DISC1: variants seen among roughly 807,000 people sequenced by gnomAD.
DISC1 encodes disrupted in schizophrenia 1 protein.
Under a neutral mutation model 84.5 loss-of-function variants are expected in DISC1, and 57 were observed. That is an observed-to-expected ratio of 0.67 (90% confidence interval 0.55 to 0.84). The LOEUF (loss-of-function observed/expected upper bound fraction) is 0.84, where lower values mean the gene tolerates loss of function less well. Ranked by LOEUF, DISC1 falls within the 40% of genes least tolerant of loss-of-function variation. The pLI is 0.00. For missense variants in DISC1, 1,000 were observed against 1,057.8 expected (o/e 0.95, Z 0.76); for synonymous variants, 411 against 415.2 (o/e 0.99, Z 0.12).
intron 1 of DISC1, chr1:231,629,471 A>G (rs748286017): frequency 2.0e-5 from 3 of 152,972 alleles, no homozygotes; most frequent in African/African-American, 4.8e-5. Flanking sequence ...TGCAGAAACA[A>G]TTCCTAGTTT....
At chr1:231,723,365 C>G in intron 3 of DISC1, 2 of 985,836 alleles carry the variant, frequency 2.0e-6, no homozygotes, top group Non-Finnish European at 2.4e-6. Context: ...CCTGTAAACT[C>G]AGGTCTGTGG....
chr1:231,691,435 A>T (rs1354746965), intron 1 of DISC1, among the ~76,000 whole-genome samples: 1 of 152,006 alleles, frequency 6.6e-6, no homozygotes, highest in East Asian at 1.9e-4. Flanking sequence ...GTCTCAAAAA[A>T]AAAACAGAAA....
chr1:231,870,188 T>C (rs1365904440), intron 9 of DISC1, among the ~76,000 whole-genome samples: 2 of 152,260 alleles, frequency 1.3e-5, no homozygotes, highest in East Asian at 1.9e-4. Flanking sequence ...GCTCCTGATA[T>C]GGGAACATCA....
intron 10 of DISC1, among the ~76,000 whole-genome samples, chr1:231,977,933 T>C (rs1345584864): frequency 2.0e-5 from 3 of 152,240 alleles, no homozygotes; most frequent in South Asian, 2.1e-4. Context: ...TTTATTCAAA[T>C]TGAGAAATGT....
At chr1:231,886,803 CTT>C (rs1199309712) in intron 9 of DISC1, among the ~76,000 whole-genome samples, 10 of 138,916 alleles carry the variant, frequency 7.2e-5, no homozygotes, top group Admixed American at 1.5e-4. Flanking sequence ...TTCTTTCTTT[CTT>C]TCTTTCTTTC....
rs567284127 is a variant in DISC1, at chr1:231,691,972, A to G, written c.68-1854A>G. On this transcript the variant is annotated intron_variant, in intron 1 of 12. Transcript: ENST00000439617. Reference sequence around the variant, plus strand: ...CATGGCCTCTGTCTTGAAGAAAGAAAGAAAAAAATGAAATGTTTCTTCTGC... The same window carrying G: ...CATGGCCTCTGTCTTGAAGAAAGAAGGAAAAAAATGAAATGTTTCTTCTGC... Among the ~76,000 whole-genome samples, 24 of 152,370 alleles carry G rather than the reference A, an allele frequency of 1.6e-4. No individual in the cohort carries two copies. In the East Asian group the frequency reaches 4.2e-3, roughly 27 times the overall value.
chr1:231,758,423 C>G (rs2125375521), intron 4 of DISC1, among the ~76,000 whole-genome samples: 1 of 152,006 alleles, frequency 6.6e-6, no homozygotes, highest in East Asian at 1.9e-4. Context: ...TTTGGATAGG[C>G]AAACCATGGG....
At chr1:231,748,779 T>A (rs1363825456) in intron 3 of DISC1, among the ~76,000 whole-genome samples, 1 of 152,204 alleles carries the variant, frequency 6.6e-6, no homozygotes, top group African/African-American at 2.4e-5. Context: ...TGCCTTTTAA[T>A]TTTTTGGAAT....
intron 3 of DISC1, chr1:231,702,695 G>A: frequency 2.7e-6 from 2 of 743,032 alleles, no homozygotes; most frequent in South Asian, 1.2e-4. Flanking sequence ...TAGAAGTTGG[G>A]CTGCAAGCAG....
intron 1 of DISC1, chr1:231,670,894 C>T (rs984991283): frequency 2.6e-5 from 4 of 152,162 alleles, no homozygotes; most frequent in African/African-American, 9.7e-5. Flanking sequence ...TATCCAAATC[C>T]ATGCATGTTA....
intron 9 of DISC1, among the ~76,000 whole-genome samples, chr1:231,938,213 G>T (rs759077859): frequency 7.2e-5 from 11 of 152,188 alleles, no homozygotes; most frequent in Non-Finnish European, 1.5e-5. Context: ...AAGTGAGGAA[G>T]GTTATGGATC....
intron 8 of DISC1, among the ~76,000 whole-genome samples, chr1:231,817,704 A>G (rs189347311): frequency 1.3e-5 from 2 of 152,304 alleles, no homozygotes; most frequent in Admixed American, 6.5e-5. Flanking sequence ...TTTAGACATA[A>G]GATTGATGTT....
intron 9 of DISC1, among the ~76,000 whole-genome samples, chr1:231,860,246 T>C (rs2084550296): frequency 6.6e-6 from 1 of 152,192 alleles, no homozygotes; most frequent in African/African-American, 2.4e-5. Flanking sequence ...AAACTGACAA[T>C]ATTCTAAGCC....
intron 9 of DISC1, among the ~76,000 whole-genome samples, chr1:231,913,000 C>A (rs1213496557): frequency 6.6e-6 from 1 of 151,904 alleles, no homozygotes; most frequent in East Asian, 1.9e-4. Flanking sequence ...CTCCACCTCC[C>A]AGGCTCAAGT....
chr1:231,975,390 C>T (rs932424327), intron 10 of DISC1, among the ~76,000 whole-genome samples: 3 of 152,086 alleles, frequency 2.0e-5, no homozygotes, highest in African/African-American at 7.2e-5. Flanking sequence ...TAAATTAGTA[C>T]AACCTCTGTG....
chr1:231,702,124 A>C, intron 3 of DISC1, 100 bp downstream of exon 3: 1 of 1,499,976 alleles, frequency 6.7e-7, no homozygotes, highest in Non-Finnish European at 8.8e-7. Flanking sequence ...GAATTGTACA[A>C]TCTGTTCCTC....
At chr1:231,774,984 C>T (rs1372045385) in intron 6 of DISC1, among the ~76,000 whole-genome samples, 1 of 152,182 alleles carries the variant, frequency 6.6e-6, no homozygotes, top group Admixed American at 6.5e-5. Flanking sequence ...TCAATAGCTG[C>T]CTTCATTGTT....
At chr1:231,777,777 ATC>A (rs1381021880) in intron 6 of DISC1, among the ~76,000 whole-genome samples, 1 of 152,190 alleles carries the variant, frequency 6.6e-6, no homozygotes, top group Non-Finnish European at 1.5e-5. Context: ...TAATTTTAAT[ATC>A]TCTGTTATTT....
At chr1:231,873,355 A>G (rs543058983) in intron 9 of DISC1, among the ~76,000 whole-genome samples, 6 of 152,330 alleles carry the variant, frequency 3.9e-5, no homozygotes, top group African/African-American at 1.4e-4. Flanking sequence ...TGCAGATCAG[A>G]AGCAAAGCGG....
Sources: allele counts gnomAD v4.1 joint callset (sites outside exome capture counted in the v4.1 genomes callset), GRCh38; gene constraint gnomAD v4.1.1; transcripts MANE v1.5; gene names NCBI Gene and HGNC (gene_info 2026-07-23, HGNC 2026-07-21).